The following SCARA3 variants were observed in gnomAD, a reference collection of about 807,000 sequenced individuals.
SCARA3 encodes the protein cellular stress response gene protein.
SCARA3 carries 39 observed loss-of-function variants against 47.0 expected under a neutral mutation model. The observed-to-expected ratio is 0.83, with a 90% confidence interval of 0.64 to 1.08. SCARA3 has a LOEUF of 1.08. Among genes scored for constraint, SCARA3 ranks in the 50% least tolerant of loss-of-function variants. SCARA3 has a pLI of 0.00. For synonymous variants in SCARA3, 356 were observed against 334.1 expected, an observed-to-expected ratio of 1.07 and a Z score of -0.71; for missense variants, 724 against 792.3, an observed-to-expected ratio of 0.91 and a Z score of 1.04.
chr8:27,634,555 A>G (rs1166226367), intron 1 of SCARA3, among the ~76,000 whole-genome samples: 1 of 152,104 alleles, frequency 6.6e-6, no homozygotes, highest in Non-Finnish European at 1.5e-5. Flanking sequence ...CAGCAGTGTA[A>G]ATTTCGACCC....
chr8:27,684,353 A>G, the SCARA3 span, among the ~76,000 whole-genome samples: 1 of 152,352 alleles, frequency 6.6e-6, no homozygotes, highest in African/African-American at 2.4e-5. Flanking sequence ...TGGCTGAGGC[A>G]GCAACTGGAG....
the SCARA3 span, among the ~76,000 whole-genome samples, chr8:27,710,102 T>C: frequency 6.6e-6 from 1 of 152,080 alleles, no homozygotes; most frequent in Non-Finnish European, 1.5e-5. Flanking sequence ...TGGTGGTGCA[T>C]GCCTGTAGTC....
the SCARA3 span, among the ~76,000 whole-genome samples, chr8:27,692,726 C>T: frequency 1.3e-5 from 2 of 152,102 alleles, no homozygotes; most frequent in Non-Finnish European, 2.9e-5. Flanking sequence ...GAAGCTTCAC[C>T]TACATAATAA....
At chr8:27,710,487 T>C in the SCARA3 span, among the ~76,000 whole-genome samples, 1 of 152,118 alleles carries the variant, frequency 6.6e-6, no homozygotes, top group Non-Finnish European at 1.5e-5. Flanking sequence ...ATAACGAAAG[T>C]AAAGATCAAT....
chr8:27,689,798 A>G, the SCARA3 span, among the ~76,000 whole-genome samples: 6 of 152,248 alleles, frequency 3.9e-5, no homozygotes, highest in East Asian at 1.2e-3. Flanking sequence ...AGTGTGGGCC[A>G]GAAAGGCGGT....
chr8:27,651,664 G>A (rs201845063), intron 3 of SCARA3, 37 bp downstream of exon 3: 30 of 1,609,478 alleles, frequency 1.9e-5, no homozygotes, highest in Non-Finnish European at 2.2e-5. Flanking sequence ...GCTGCAGGGG[G>A]GTGTCTGATC....
At chr8:27,662,038 G>A (rs917667629) in intron 5 of SCARA3, among the ~76,000 whole-genome samples, 1 of 152,154 alleles carries the variant, frequency 6.6e-6, no homozygotes, top group African/African-American at 2.4e-5. Context: ...GTGGCCAGGT[G>A]GCAGTCTTAA....
chr8:27,689,499 A>G, the SCARA3 span, among the ~76,000 whole-genome samples: 4 of 152,142 alleles, frequency 2.6e-5, no homozygotes, highest in Non-Finnish European at 5.9e-5. Flanking sequence ...CTCATATCTC[A>G]TAACCTCCCC....
At chr8:27,690,073 A>G in the SCARA3 span, among the ~76,000 whole-genome samples, 3 of 152,212 alleles carry the variant, frequency 2.0e-5, no homozygotes, top group Non-Finnish European at 2.9e-5. Context: ...TACCCAAGAG[A>G]CTGATCAGAA....
chr8:27,675,421 C>T (rs1168907642), downstream of SCARA3, among the ~76,000 whole-genome samples: 1 of 152,236 alleles, frequency 6.6e-6, no homozygotes, highest in African/African-American at 2.4e-5. Flanking sequence ...TGCAGGAGCA[C>T]AGGCCCTTTG....
In SCARA3 at chr8:27,671,592, G is replaced by A. The variant is rs185777241; in HGVS notation, c.*241G>A. 265 of 1,240,282 alleles carry A rather than the reference G, an allele frequency of 2.1e-4. 1 individual carries two copies. The highest frequency in any genetic ancestry group is 1.2e-3 in the African/African-American group (77 of 63,256). The allele number at this position is 1,240,282 out of a possible 1,614,324, so 76.8% of individuals were successfully genotyped here. On this transcript the variant is annotated 3_prime_UTR_variant, in exon 6 of 6. Coordinates refer to ENST00000301904, the MANE Select transcript of SCARA3 (RefSeq NM_016240.3). ...CATGCACACACATGCACACATACACGCACATGCACACATACACATGCATGC... is the reference window on the plus strand; with the variant it reads ...CATGCACACACATGCACACATACACACACATGCACACATACACATGCATGC...
the SCARA3 span, among the ~76,000 whole-genome samples, chr8:27,732,605 C>G: frequency 1.3e-5 from 2 of 152,184 alleles, no homozygotes; most frequent in African/African-American, 2.4e-5. Context: ...GCTAAGTCAC[C>G]TAGTATATAC....
chr8:27,729,335 C>A, the SCARA3 span, among the ~76,000 whole-genome samples: 1 of 152,314 alleles, frequency 6.6e-6, no homozygotes, highest in East Asian at 1.9e-4. Flanking sequence ...TCATCCCAGC[C>A]CCCACAGCTC....
the SCARA3 span, among the ~76,000 whole-genome samples, chr8:27,717,080 C>T: frequency 6.6e-6 from 1 of 152,196 alleles, no homozygotes; most frequent in Middle Eastern, 3.4e-3. Context: ...TCAAGGAATC[C>T]CCAAGGACCT....
chr8:27,655,665 A>T, intron 3 of SCARA3, among the ~76,000 whole-genome samples: 1 of 152,166 alleles, frequency 6.6e-6, no homozygotes, highest in Non-Finnish European at 1.5e-5. Flanking sequence ...ATATATAAGG[A>T]TTATTTCTAG....
At chr8:27,690,250 C>T in the SCARA3 span, among the ~76,000 whole-genome samples, 40 of 152,252 alleles carry the variant, frequency 2.6e-4, no homozygotes, top group African/African-American at 9.1e-4. Context: ...AGGGAGTCCA[C>T]AGGCCAGCCC....
At position 27,671,451 on chromosome 8, in the gene SCARA3, G is replaced by A; in HGVS notation, c.*100G>A. 1 of 1,322,420 alleles carries A rather than the reference G, an allele frequency of 7.6e-7. No individual in the cohort carries two copies. The highest frequency in any genetic ancestry group is 3.0e-5 in the East Asian group (1 of 33,074). The allele number at this position is 1,322,420 out of a possible 1,614,324, so 81.9% of individuals were successfully genotyped here. A position where few individuals can be genotyped will look rare whatever the true frequency, so the allele number is the denominator to read the frequency against. On this transcript the variant is annotated 3_prime_UTR_variant, in exon 6 of 6. Coordinates refer to ENST00000301904, the MANE Select transcript of SCARA3 (RefSeq NM_016240.3). ...CACCTACAGACAGCTGTGGTCCTCT[G>A]ATTCCAATGAGGGGGCTCCCCAGGG...
intron 3 of SCARA3, among the ~76,000 whole-genome samples, chr8:27,655,481 A>G (rs1801723544): frequency 6.6e-6 from 1 of 152,172 alleles, no homozygotes; most frequent in African/African-American, 2.4e-5. Flanking sequence ...ACTGGCCAAC[A>G]TGGCCCCCTT....
chr8:27,715,795 T>C, the SCARA3 span, among the ~76,000 whole-genome samples: 2 of 151,044 alleles, frequency 1.3e-5, no homozygotes, highest in Non-Finnish European at 2.9e-5. This position sits in a 1 kb window ranked among gnomAD's most constrained non-coding sequence, Gnocchi z 4.2. Flanking sequence ...GATGGATAGA[T>C]AGATGACAGA....
Sources: allele counts gnomAD v4.1 joint callset (sites outside exome capture counted in the v4.1 genomes callset), GRCh38; gene constraint gnomAD v4.1.1; non-coding constraint Gnocchi (gnomAD v3.1); transcripts MANE v1.5; gene names NCBI Gene and HGNC (gene_info 2026-07-23, HGNC 2026-07-21).